ADGRD1: variants seen among roughly 807,000 people sequenced by gnomAD.
ADGRD1 encodes the protein G-protein coupled receptor 133.
ADGRD1 carries 77 observed loss-of-function variants against 113.4 expected under a neutral mutation model. The observed-to-expected ratio is 0.68, with a 90% CI of 0.57 to 0.82. The LOEUF (loss-of-function observed/expected upper bound fraction) is 0.82. Ranked by LOEUF, ADGRD1 falls within the 40% of genes least tolerant of loss-of-function variation. ADGRD1 has a pLI of 0.00. For synonymous variants in ADGRD1, 474 were observed against 475.0 expected, an observed-to-expected ratio of 1.00 and a Z score of 0.03; for missense variants, 1,036 against 1,139.1, an observed-to-expected ratio of 0.91 and a Z score of 1.30.
chr12:131,102,294 C>A (rs1410826475), intron 15 of ADGRD1, among the ~76,000 whole-genome samples: 5 of 152,222 alleles, frequency 3.3e-5, no homozygotes, highest in African/African-American at 1.2e-4. Context: ...CGTCGGTCTG[C>A]AGGTGGAGAT....
At chr12:131,138,538 GCCCAGGCAGGCC>G (rs918135552) in intron 24 of ADGRD1, among the ~76,000 whole-genome samples, 12 of 152,194 alleles carry the variant, frequency 7.9e-5, no homozygotes, top group African/African-American at 2.7e-4. Context: ...GCCCTCCAGA[GCCCAGGCAGGCC>G]CCCAGGCAGT....
chr12:131,124,060 A>G lies in ADGRD1; in HGVS notation c.2175+3147A>G, dbSNP rs184248315. On this transcript the variant is annotated intron_variant, in intron 20 of 24. Coordinates refer to ENST00000261654, the MANE Select transcript of ADGRD1 (RefSeq NM_198827.5). ...CTGGCTCTTGGCAGAAGGCATATCA[A>G]CCTCTGGGCCAGGGGGTGCCGTGGA... 5.1e-3 allele frequency among the ~76,000 whole-genome samples: 777 copies of G among 152,266 alleles called. 4 individuals are homozygous for G. The highest frequency in any genetic ancestry group is 7.9e-3 in the Non-Finnish European group (540 of 68,006).
chr12:131,097,760 G>A (rs1349255152), intron 15 of ADGRD1, among the ~76,000 whole-genome samples: 1 of 152,232 alleles, frequency 6.6e-6, no homozygotes, highest in Admixed American at 6.5e-5. Context: ...AGCCTGGCCG[G>A]GACAGGGTGG....
intron 13 of ADGRD1, among the ~76,000 whole-genome samples, chr12:131,038,298 C>T (rs1278813656): frequency 1.3e-5 from 2 of 152,248 alleles, no homozygotes; most frequent in Admixed American, 1.3e-4. Context: ...GGCCTGTGCG[C>T]TGAGCCAGGG....
rs567004009 is a variant in ADGRD1 at position 131,116,924 on chromosome 12, G to A, written c.2042-1461G>A. On this transcript the variant is annotated intron_variant, in intron 18 of 24. Transcript: ENST00000261654. ...TCTTTTCAGAAACAGATTCCCATTC[G>A]TGCAGGATCTGTTTCAAAGCTCACA... 5.3e-4 allele frequency among the ~76,000 whole-genome samples: 81 copies of A among 152,332 alleles called. 1 individual carries two copies. The highest frequency in any genetic ancestry group is 1.7e-3 in the African/African-American group (72 of 41,572).
At chr12:131,121,749 G>A (rs1052200737) in intron 20 of ADGRD1, among the ~76,000 whole-genome samples, 3 of 152,146 alleles carry the variant, frequency 2.0e-5, no homozygotes, top group African/African-American at 4.8e-5. Flanking sequence ...GGGGAGGCTG[G>A]GCCCAGGGCT....
chr12:131,047,081 T>C lies in ADGRD1; in HGVS notation c.1474-29720T>C, dbSNP rs185384563. ...CTCCCTCGTCAATGCTCCTCCCTGG[T>C]CAGTGCTCCCTCCCTGGTCACTGCT... On this transcript the variant is annotated intron_variant, in intron 13 of 24. Coordinates refer to ENST00000261654, the MANE Select transcript of ADGRD1 (RefSeq NM_198827.5). Among the ~76,000 whole-genome samples the C allele has an allele frequency of 2.0e-3, 307 of 151,648 alleles. 1 individual carries two copies. The highest frequency in any genetic ancestry group is 7.1e-3 in the African/African-American group (292 of 41,256).
chr12:131,055,401 G>A (rs755929292), intron 13 of ADGRD1, among the ~76,000 whole-genome samples: 7 of 152,180 alleles, frequency 4.6e-5, no homozygotes, highest in Non-Finnish European at 7.4e-5. Flanking sequence ...TTCAGCGTTC[G>A]GGATGGGCTC....
At chr12:131,039,820 A>T (rs1258656699) in intron 13 of ADGRD1, among the ~76,000 whole-genome samples, 1 of 152,260 alleles carries the variant, frequency 6.6e-6, no homozygotes, top group African/African-American at 2.4e-5. Context: ...AATTACTTGC[A>T]GACATTTCAA....
At chr12:130,955,340 A>G (rs1158000565) in intron 2 of ADGRD1, among the ~76,000 whole-genome samples, 1 of 151,716 alleles carries the variant, frequency 6.6e-6, no homozygotes, top group Non-Finnish European at 1.5e-5. Context: ...CTCCAGCCTC[A>G]GAGTGCTGAC....
intron 5 of ADGRD1, among the ~76,000 whole-genome samples, chr12:130,983,181 A>G (rs1350825819): frequency 2.6e-5 from 4 of 152,138 alleles, no homozygotes; most frequent in African/African-American, 9.7e-5. Flanking sequence ...GTATCACATC[A>G]TAGGGTGACT....
intron 13 of ADGRD1, among the ~76,000 whole-genome samples, chr12:131,033,450 C>T (rs1018531664): frequency 7.9e-5 from 12 of 152,252 alleles, no homozygotes; most frequent in African/African-American, 2.9e-4. Flanking sequence ...CCTTCCTTCC[C>T]GCTCAGAGCG....
intron 15 of ADGRD1, among the ~76,000 whole-genome samples, chr12:131,094,506 G>A (rs1887144334): frequency 6.6e-6 from 1 of 152,112 alleles, no homozygotes; most frequent in Non-Finnish European, 1.5e-5. Flanking sequence ...CCCATCCCTG[G>A]ACCCCTCTAA....
chr12:131,101,634 C>T (rs112697591), intron 15 of ADGRD1, among the ~76,000 whole-genome samples: 3 of 152,056 alleles, frequency 2.0e-5, no homozygotes, highest in East Asian at 1.9e-4. Context: ...GTGATCTGCC[C>T]GCCTCGGCCT....
At chr12:131,108,107 A>G (rs183031578) in intron 17 of ADGRD1, among the ~76,000 whole-genome samples, 35 of 152,296 alleles carry the variant, frequency 2.3e-4, no homozygotes, top group Middle Eastern at 6.8e-3. Flanking sequence ...CAAGGAATGG[A>G]GAGGTTCCCA....
intron 21 of ADGRD1, among the ~76,000 whole-genome samples, chr12:131,134,598 G>A (rs530216839): frequency 2.0e-5 from 3 of 152,228 alleles, no homozygotes; most frequent in South Asian, 4.1e-4. Context: ...AGCATTATGA[G>A]AACAAGCTGG....
chr12:131,052,807 C>T (rs930110424), intron 13 of ADGRD1, among the ~76,000 whole-genome samples: 27 of 152,132 alleles, frequency 1.8e-4, no homozygotes, highest in Non-Finnish European at 3.5e-4. Context: ...TTCATGAGCC[C>T]CTGAGGAGCC....
intron 13 of ADGRD1, among the ~76,000 whole-genome samples, chr12:131,051,402 A>G (rs1018773092): frequency 1.3e-5 from 2 of 152,188 alleles, no homozygotes; most frequent in African/African-American, 4.8e-5. Context: ...ACAAATTGGG[A>G]ATCTCAGGAA....
intron 13 of ADGRD1, among the ~76,000 whole-genome samples, chr12:131,019,401 G>A (rs574337736): frequency 5.9e-5 from 9 of 152,312 alleles, no homozygotes; most frequent in African/African-American, 2.2e-4. Context: ...AGGGGTTTTC[G>A]ACACGACGAT....
Sources: gnomAD v4.1 joint callset for allele counts (sites outside exome capture counted in the v4.1 genomes callset) on GRCh38, gnomAD v4.1.1 for gene constraint, MANE v1.5 for transcripts, NCBI Gene and HGNC (gene_info 2026-07-23, HGNC 2026-07-21) for gene names.